Variants in ARHGEF28 observed in about 807,000 individuals in gnomAD.
ARHGEF28 encodes Rho guanine nucleotide exchange factor 28.
A neutral mutation model predicts 206.6 loss-of-function variants in ARHGEF28; 152 were observed. The ratio of observed to expected loss-of-function variants is 0.74; its 90% CI spans 0.64 to 0.84. The LOEUF (loss-of-function observed/expected upper bound fraction) is 0.84, where lower values mean the gene tolerates loss of function less well. Ranked by LOEUF, ARHGEF28 falls within the 40% of genes least tolerant of loss-of-function variation. ARHGEF28 has a pLI of 0.00. For synonymous variants in ARHGEF28, 763 were observed against 776.4 expected (o/e 0.98, Z 0.29); for missense variants, 2,028 against 2,073.2 (o/e 0.98, Z 0.42).
chr5:73,634,109 C>A (rs1487173352), intron 1 of ARHGEF28, among the ~76,000 whole-genome samples: 1 of 152,072 alleles, frequency 6.6e-6, no homozygotes, highest in Non-Finnish European at 1.5e-5. Context: ...ATATTCACTA[C>A]CCCTTTTAGT....
intron 31 of ARHGEF28, chr5:73,901,873 C>G (rs1580073406): frequency 6.6e-6 from 1 of 152,146 alleles, no homozygotes; most frequent in Non-Finnish European, 1.5e-5. Flanking sequence ...TATTAACTCT[C>G]TCTTTAAGAA....
chr5:73,846,280 T>A lies in ARHGEF28; in HGVS notation c.1440T>A (p.Asp480Glu), dbSNP rs1372030861. 4 of 1,613,398 alleles carry A rather than the reference T, an allele frequency of 2.5e-6. No homozygotes were observed. The highest frequency in any genetic ancestry group is 1.3e-5 in the African/African-American group (1 of 74,896). The change falls in exon 12 of 36, where the codon GAT becomes GAA. Residue 480 changes from aspartate to glutamate, a missense_variant. Physicochemically the swap from Asp to Glu is conservative, Grantham distance 45. Coordinates refer to ENST00000513042, the MANE Select transcript of ARHGEF28 (RefSeq NM_001177693.2). ...SHLKKRSSSLDALDADSEGEG... is the reference protein window; with the variant it reads ...SHLKKRSSSLEALDADSEGEG... ...CTTTGTGCTTTAGTTCTAGCCTTGA[T>A]GCCTTGGACGCCGACAGTGAAGGGG...
chr5:73,930,119 T>C (rs558355950), intron 35 of ARHGEF28, among the ~76,000 whole-genome samples: 1 of 152,348 alleles, frequency 6.6e-6, no homozygotes, highest in East Asian at 1.9e-4. Flanking sequence ...AATGAGAGTT[T>C]ATTTCAAGTA....
At chr5:73,666,405 G>A (rs758749541) in intron 1 of ARHGEF28, among the ~76,000 whole-genome samples, 81 of 152,176 alleles carry the variant, frequency 5.3e-4, no homozygotes, top group Non-Finnish European at 6.6e-4. Flanking sequence ...GGTCTCAGGC[G>A]TTGCCTCACT....
intron 9 of ARHGEF28, among the ~76,000 whole-genome samples, chr5:73,805,616 C>G (rs1278837339): frequency 6.6e-6 from 1 of 152,194 alleles, no homozygotes; most frequent in Non-Finnish European, 1.5e-5. Flanking sequence ...TGCCACGTTT[C>G]TCCCTGTTGG....
At chr5:73,908,303 A>G (rs1179142352) in intron 33 of ARHGEF28, 1 of 152,240 alleles carries the variant, frequency 6.6e-6, no homozygotes, top group East Asian at 1.9e-4. Context: ...AGTATAGGAA[A>G]CTGCTGAGCT....
chr5:73,842,833 A>C (rs1198177941), intron 11 of ARHGEF28, among the ~76,000 whole-genome samples: 2 of 152,064 alleles, frequency 1.3e-5, no homozygotes, highest in Middle Eastern at 3.2e-3. Context: ...AAATACAAAA[A>C]TTAGCTGGGC....
At chr5:73,891,657 T>A (rs1345037724) in intron 26 of ARHGEF28, among the ~76,000 whole-genome samples, 1 of 152,004 alleles carries the variant, frequency 6.6e-6, no homozygotes, top group African/African-American at 2.4e-5. Flanking sequence ...CCCAAGCAGC[T>A]GAGACTACAG....
intron 17 of ARHGEF28, 64 bp downstream of exon 17, chr5:73,864,936 T>C: frequency 7.1e-7 from 1 of 1,409,690 alleles, no homozygotes; most frequent in Non-Finnish European, 9.8e-7. Flanking sequence ...CTATTTGAGC[T>C]TTTACTCTTT....
Position 73,904,276 on chromosome 5 carries a change from T to C in ARHGEF28, c.4113+16T>C. 1 of 1,613,806 alleles carries C rather than the reference T, an allele frequency of 6.2e-7. No individual in the cohort carries two copies. The highest frequency in any genetic ancestry group is 8.5e-7 in the Non-Finnish European group (1 of 1,179,732). On this transcript the variant is annotated intron_variant, in intron 32 of 35. Transcript: ENST00000513042. Reference sequence around the variant, plus strand: ...ACAATCAGAGGTGAGCTGCTGCACATACCTTAAATGTATCACCAGCCTTTA... The same window carrying C: ...ACAATCAGAGGTGAGCTGCTGCACACACCTTAAATGTATCACCAGCCTTTA...
chr5:73,738,485 G>A (rs1751156145), intron 2 of ARHGEF28, among the ~76,000 whole-genome samples: 1 of 69,706 alleles, frequency 1.4e-5, no homozygotes, highest in African/African-American at 5.7e-5. Flanking sequence ...GTGGCCTCGT[G>A]TGTGTGTGTG....
intron 10 of ARHGEF28, among the ~76,000 whole-genome samples, chr5:73,833,189 A>C (rs531725368): frequency 6.6e-6 from 1 of 152,340 alleles, no homozygotes; most frequent in East Asian, 1.9e-4. Flanking sequence ...GGGATTTTCA[A>C]GGGTAGTTTT....
At chr5:73,685,032 T>C in intron 2 of ARHGEF28, 148 bp downstream of exon 2, 1 of 712,500 alleles carries the variant, frequency 1.4e-6, no homozygotes, top group Non-Finnish European at 2.2e-6. Context: ...AGTTCAAGTA[T>C]TTGCATGGAG....
intron 2 of ARHGEF28, among the ~76,000 whole-genome samples, chr5:73,694,542 G>T (rs1207467083): frequency 6.6e-6 from 1 of 152,140 alleles, no homozygotes; most frequent in African/African-American, 2.4e-5. Flanking sequence ...GTTTTCTCTG[G>T]GAGAAGCCTC....
intron 1 of ARHGEF28, among the ~76,000 whole-genome samples, chr5:73,679,692 C>CA (rs1374694308): frequency 1.3e-5 from 2 of 149,844 alleles, no homozygotes; most frequent in African/African-American, 2.5e-5. Context: ...AATGGCAGGT[C>CA]AAAAAAAGAA....
intron 1 of ARHGEF28, among the ~76,000 whole-genome samples, chr5:73,669,193 AAAC>A (rs1338882874): frequency 3.3e-5 from 5 of 152,206 alleles, no homozygotes; most frequent in Admixed American, 1.3e-4. Flanking sequence ...AAAATAATCC[AAAC>A]AACATGTCAC....
intron 2 of ARHGEF28, among the ~76,000 whole-genome samples, chr5:73,695,137 G>A (rs1219698637): frequency 6.6e-6 from 1 of 152,196 alleles, no homozygotes; most frequent in Admixed American, 6.5e-5. Context: ...CATGGCCCTT[G>A]CATTGTGAGG....
chr5:73,695,267 A>G (rs1287039187), intron 2 of ARHGEF28, among the ~76,000 whole-genome samples: 1 of 151,518 alleles, frequency 6.6e-6, no homozygotes, highest in Non-Finnish European at 1.5e-5. Flanking sequence ...ATGTTCGTGA[A>G]CTCTGCTGGT....
chr5:73,886,047 A>G lies in ARHGEF28; in HGVS notation c.3253A>G (p.Arg1085Gly), dbSNP rs1761266835. 1 of 1,613,994 alleles carries G rather than the reference A, an allele frequency of 6.2e-7. No homozygotes were observed. Among genetic ancestry groups the G allele is most frequent in the South Asian group, 1.1e-5 (1 of 91,072 alleles). Residue 1085 changes from arginine to glycine, a missense_variant, in exon 25 of 36, where the codon AGG becomes GGG. This residue lies in a region of ARHGEF28 where 803 missense variants were observed against 768.0 expected (regional missense o/e 1.05). Transcript: ENST00000513042. ...GAAGCAGGCACTGATGAGTGAAGAA[A>G]GGACTCTGTTATATGATGGCCTTGT... ...FRKQALMSEE[R>G]TLLYDGLVYW...
Sources: allele counts gnomAD v4.1 joint callset (sites outside exome capture counted in the v4.1 genomes callset), GRCh38; gene constraint gnomAD v4.1.1; regional missense constraint gnomAD v4.1.1; transcripts MANE v1.5; gene names NCBI Gene and HGNC (gene_info 2026-07-23, HGNC 2026-07-21).